Variants in CCDC92 observed in about 807,000 individuals in gnomAD.
CCDC92 encodes the protein coiled-coil domain-containing protein 92.
A neutral mutation model predicts 24.9 loss-of-function variants in CCDC92; 12 were observed. The observed-to-expected ratio is 0.48, with a 90% confidence interval of 0.31 to 0.78. The LOEUF (loss-of-function observed/expected upper bound fraction) is 0.78. Among genes scored for constraint, CCDC92 ranks in the 30% least tolerant of loss-of-function variants. The probability of loss-of-function intolerance (pLI) is 0.05; values close to 1 mark genes in which losing one functional copy is unlikely to be tolerated. For missense variants in CCDC92, 399 were observed against 439.4 expected (o/e 0.91, Z 0.82); for synonymous variants, 193 against 196.3 (o/e 0.98, Z 0.14).
intron 1 of CCDC92, among the ~76,000 whole-genome samples, chr12:123,950,736 A>G (rs1956004764): frequency 1.3e-5 from 2 of 152,070 alleles, no homozygotes; most frequent in African/African-American, 2.4e-5. Context: ...GCTGCCAAAA[A>G]CAGCTCTGAT....
At chr12:123,968,555 G>A (rs1471420342) in intron 1 of CCDC92, 4 of 151,918 alleles carry the variant, frequency 2.6e-5, no homozygotes, top group Non-Finnish European at 4.4e-5. Context: ...CTTGATATTC[G>A]TCTCTTTTCC....
Position 123,940,772 on chromosome 12 carries a change from G to A in CCDC92, c.223+1972C>T, listed in dbSNP as rs113264479. 4.1e-3 allele frequency among the ~76,000 whole-genome samples: 618 copies of A among 152,250 alleles called. 7 individuals carry two copies. The highest frequency in any genetic ancestry group is 0.014 in the African/African-American group (587 of 41,550). On this transcript the variant is annotated intron_variant, in intron 4 of 4. Coordinates refer to ENST00000238156, the MANE Select transcript of CCDC92 (RefSeq NM_025140.3). ...CGCTTCTAAACCTGCGCACTCCCTG[G>A]GCCCGCCCAGACTTCTGGGGTCACA... is the stretch of plus-strand genomic sequence containing the variant.
chr12:123,948,567 A>G (rs985970866), intron 1 of CCDC92, among the ~76,000 whole-genome samples: 5 of 152,198 alleles, frequency 3.3e-5, no homozygotes, highest in Non-Finnish European at 4.4e-5. Flanking sequence ...AGCCACTCGG[A>G]GCCCTCACAG....
chr12:123,956,148 A>T (rs578055123), intron 1 of CCDC92: 44 of 152,342 alleles, frequency 2.9e-4, no homozygotes, highest in Non-Finnish European at 6.2e-4. Flanking sequence ...CAGGCATTTA[A>T]TTTTAGTACT....
chr12:123,969,082 C>A (rs753554972), intron 1 of CCDC92, among the ~76,000 whole-genome samples: 5 of 152,174 alleles, frequency 3.3e-5, no homozygotes, highest in Admixed American at 6.5e-5. Flanking sequence ...CCACTTAATA[C>A]ATGTATTAGA....
At chr12:123,958,893 C>T (rs1566171791) in intron 1 of CCDC92, among the ~76,000 whole-genome samples, 1 of 152,184 alleles carries the variant, frequency 6.6e-6, no homozygotes, top group Non-Finnish European at 1.5e-5. Context: ...CTGATCCTCT[C>T]GTCAGAATTC....
Position 123,937,648 on chromosome 12 carries a change from C to T in CCDC92, c.406G>A (p.Ala136Thr). 1 of 1,613,978 alleles carries T rather than the reference C, an allele frequency of 6.2e-7. No homozygotes were observed. Among genetic ancestry groups the T allele is most frequent in the Middle Eastern group, 1.6e-4 (1 of 6,062 alleles). Reference sequence around the variant, plus strand: ...AGCAGGGTCAGCTTGTGACTCTTGGCCTTCAGCTCCTCCAGGTACTTCTTC... The same window carrying T: ...AGCAGGGTCAGCTTGTGACTCTTGGTCTTCAGCTCCTCCAGGTACTTCTTC... ...REKKYLEELK[A>T]KSHKLTLLSS... is the part of the protein sequence containing the mutation. The change falls in exon 5 of 5, where the codon GCC (alanine) becomes ACC (threonine). Residue 136 changes from alanine to threonine, a missense_variant. Physicochemically the swap from Ala to Thr is moderately conservative, Grantham distance 58 (BLOSUM62 0). Transcript: ENST00000238156. The surrounding 1 kb of genome is among the most constrained non-coding windows in gnomAD (Gnocchi z 8.4).
intron 1 of CCDC92, among the ~76,000 whole-genome samples, chr12:123,950,518 G>A (rs1955998935): frequency 6.6e-6 from 1 of 152,184 alleles, no homozygotes; most frequent in South Asian, 2.1e-4. Context: ...GCTTTCTGGG[G>A]CCTTAACAAA....
intron 1 of CCDC92, chr12:123,966,304 C>A (rs1292626403): frequency 6.6e-6 from 1 of 152,182 alleles, no homozygotes; most frequent in African/African-American, 2.4e-5. Context: ...TGGCTGGATT[C>A]CCTACCTATA....
At chr12:123,947,054 C>T (rs899578632) in intron 1 of CCDC92, among the ~76,000 whole-genome samples, 4 of 152,168 alleles carry the variant, frequency 2.6e-5, no homozygotes, top group Admixed American at 6.5e-5. Context: ...GCCAGCGGGC[C>T]GGCCCTGCCA....
chr12:123,943,640 C>T, intron 2 of CCDC92, 147 bp from the exon 3 acceptor site: 1 of 824,602 alleles, frequency 1.2e-6, no homozygotes, highest in Non-Finnish European at 1.9e-6. Flanking sequence ...TGTGGGGGCA[C>T]CAGGGCTACA....
rs1955497658 is a variant in CCDC92, at chr12:123,936,507, T to C, written c.*551A>G. ...ATTCAGGTTGTGGTGCTATGAGGAG[T>C]AGCGTCATCTTATTTAGTTCCTTGA... On this transcript the variant is annotated 3_prime_UTR_variant, in exon 5 of 5. Coordinates refer to ENST00000238156, the MANE Select transcript of CCDC92 (RefSeq NM_025140.3). 1 of 156,392 alleles carries C rather than the reference T, an allele frequency of 6.4e-6. No individual in the cohort carries two copies. The highest frequency in any genetic ancestry group is 1.4e-5 in the Non-Finnish European group (1 of 70,774). The allele number at this position is 156,392 out of a possible 1,614,324, so 9.7% of individuals were successfully genotyped here.
intron 1 of CCDC92, among the ~76,000 whole-genome samples, chr12:123,957,696 CTTCTTT>C (rs1388008947): frequency 2.3e-4 from 27 of 115,118 alleles, no homozygotes; most frequent in Middle Eastern, 8.5e-3. Flanking sequence ...TTTTTTTTTC[CTTCTTT>C]TTTTTTTTTT....
chr12:123,965,161 C>G lies in CCDC92; in HGVS notation c.-60+7368G>C, dbSNP rs1194324272. ...TGATATGTTTGATAACATTTGAAAA[C>G]TACAATTTTAAATCGCTAAATATAT... On this transcript the variant is annotated intron_variant, in intron 1 of 4. Transcript: ENST00000238156. 3.9e-5 allele frequency among the ~76,000 whole-genome samples: 6 copies of G among 152,084 alleles called. No individual in the cohort carries two copies. In the East Asian group the frequency reaches 1.2e-3, roughly 29 times the overall value.
chr12:123,963,133 C>G lies in CCDC92; in HGVS notation c.-60+9396G>C, dbSNP rs117006952. On this transcript the variant is annotated intron_variant, in intron 1 of 4. Coordinates refer to ENST00000238156, the MANE Select transcript of CCDC92 (RefSeq NM_025140.3). ...AGGGGTGCTGCTAAACAGACCATAA[C>G]GCACAGGACAGCCCCACAACAAGGG... Among the ~76,000 whole-genome samples, 74 of 152,270 alleles carry G rather than the reference C, an allele frequency of 4.9e-4. 1 individual carries two copies. In the East Asian group the frequency reaches 9.3e-3, roughly 19 times the overall value.
chr12:123,958,249 C>T (rs1229812161), intron 1 of CCDC92, among the ~76,000 whole-genome samples: 1 of 151,926 alleles, frequency 6.6e-6, no homozygotes, highest in Non-Finnish European at 1.5e-5. Flanking sequence ...GACGGGGTTT[C>T]TCCATGTTGG....
intron 1 of CCDC92, among the ~76,000 whole-genome samples, chr12:123,947,467 G>T (rs1238300019): frequency 6.6e-6 from 1 of 152,230 alleles, no homozygotes; most frequent in Non-Finnish European, 1.5e-5. Context: ...CTAGCTCAGG[G>T]ATTGTAAATA....
At chr12:123,971,881 G>C (rs530600942) in intron 1 of CCDC92, 1 of 151,152 alleles carries the variant, frequency 6.6e-6, no homozygotes, top group African/African-American at 2.4e-5. Context: ...GGGCTGGCAA[G>C]GTAGTGTACT....
chr12:123,944,428 C>T, intron 1 of CCDC92, 64 bp from the exon 2 acceptor site: 3 of 924,784 alleles, frequency 3.2e-6, no homozygotes, highest in Non-Finnish European at 4.6e-6. Context: ...CCTCAGAATG[C>T]ATTTTCCCTA....
Sources: allele counts gnomAD v4.1 joint callset (sites outside exome capture counted in the v4.1 genomes callset), GRCh38; gene constraint gnomAD v4.1.1; non-coding constraint Gnocchi (gnomAD v3.1); transcripts MANE v1.5; gene names NCBI Gene and HGNC (gene_info 2026-07-23, HGNC 2026-07-21).